Variants in SEC31B observed in about 807,000 individuals in gnomAD.
SEC31B encodes the protein SEC31 homolog B, COPII component.
SEC31B carries 113 observed loss-of-function variants against 135.0 expected under a neutral mutation model. That is an observed-to-expected ratio of 0.84 (90% CI 0.72 to 0.98). The LOEUF (loss-of-function observed/expected upper bound fraction) is 0.98. SEC31B is among the 50% of genes least tolerant of loss of function. The probability of loss-of-function intolerance (pLI) is 0.00; values close to 1 mark genes in which losing one functional copy is unlikely to be tolerated. For missense variants in SEC31B, 1,296 were observed against 1,421.1 expected, an observed-to-expected ratio of 0.91 and a Z score of 1.42; for synonymous variants, 508 against 549.4, an observed-to-expected ratio of 0.92 and a Z score of 1.05.
chr10:100,496,399 C>T lies in SEC31B; in HGVS notation c.2169G>A (p.Arg723=). Reference sequence around the variant, plus strand: ...GAGGACCCCGCAGTTGCTCCAAGCTCCTGTTAAGAACCATCACCTTCTCCA... The same window carrying T: ...GAGGACCCCGCAGTTGCTCCAAGCTTCTGTTAAGAACCATCACCTTCTCCA... ...DLMEKVMVLN[R]SLEQLRGPHG... Residue 723 remains arginine (R), a synonymous_variant, in exon 18 of 26, where the codon AGG becomes AGA. Coordinates refer to ENST00000370345, the MANE Select transcript of SEC31B (RefSeq NM_015490.4). 1 of 1,614,162 alleles carries T rather than the reference C, an allele frequency of 6.2e-7. No individual in the cohort carries two copies. Among genetic ancestry groups the T allele is most frequent in the African/African-American group, 1.3e-5 (1 of 75,056 alleles).
At chr10:100,515,384 T>C (rs1484480074) in intron 3 of SEC31B, among the ~76,000 whole-genome samples, 2 of 152,244 alleles carry the variant, frequency 1.3e-5, no homozygotes, top group African/African-American at 4.8e-5. Context: ...TTTCTGATGA[T>C]ATAAACATTT....
Position 100,498,318 on chromosome 10 carries a change from G to A in SEC31B, c.1685-111C>T. 4.7e-6 allele frequency: 5 copies of A among 1,053,282 alleles called. No individual in the cohort carries two copies. In the Admixed American group the frequency reaches 7.9e-5, roughly 17 times the overall value. The allele number at this position is 1,053,282 out of a possible 1,614,324, so 65.2% of individuals were successfully genotyped here. A position where few individuals can be genotyped will look rare whatever the true frequency, so the allele number is the denominator to read the frequency against. On this transcript the variant is annotated intron_variant, in intron 14 of 25. Transcript: ENST00000370345. ...ATCTCTATATCACTCAGTGTGCTTGGCTCCAAACTAAATCCTCAAGTTTCA... is the reference window on the plus strand; with the variant it reads ...ATCTCTATATCACTCAGTGTGCTTGACTCCAAACTAAATCCTCAAGTTTCA...
At chr10:100,508,092 C>T in intron 5 of SEC31B, 41 bp from the exon 6 acceptor site, 1 of 1,611,008 alleles carries the variant, frequency 6.2e-7, no homozygotes, top group Non-Finnish European at 8.5e-7. Context: ...ACTTGTCACC[C>T]CCTGGACAAA....
chr10:100,509,625 A>G, intron 3 of SEC31B, 114 bp from the exon 4 acceptor site: 1 of 768,340 alleles, frequency 1.3e-6, no homozygotes. Context: ...CCTAGCTGGA[A>G]CTTGCCTGTC....
intron 4 of SEC31B, 54 bp from the exon 5 acceptor site, chr10:100,509,156 A>T (rs371558242): frequency 7.6e-5 from 120 of 1,583,362 alleles, no homozygotes; most frequent in Middle Eastern, 6.7e-4. Context: ...AAACAGAGCA[A>T]GAAAGGAGGA....
intron 2 of SEC31B, 44 bp from the exon 3 acceptor site, chr10:100,516,263 G>A (rs1179233272): frequency 6.2e-7 from 1 of 1,601,806 alleles, no homozygotes; most frequent in African/African-American, 1.3e-5. Flanking sequence ...ATATATGCAT[G>A]GATTTCAGGT....
chr10:100,505,776 C>A, intron 9 of SEC31B: 1 of 1,416,738 alleles, frequency 7.1e-7, no homozygotes, highest in Non-Finnish European at 9.2e-7. Flanking sequence ...CTTGAAATAA[C>A]TGTCCCAGCA....
chr10:100,515,862 G>A (rs571422411), intron 3 of SEC31B, among the ~76,000 whole-genome samples: 2 of 151,740 alleles, frequency 1.3e-5, no homozygotes, highest in Non-Finnish European at 2.9e-5. Context: ...CTTGTCTGAG[G>A]CATCTCTATC....
chr10:100,490,690 T>C lies in SEC31B; in HGVS notation c.2650+16A>G, dbSNP rs766115728. On this transcript the variant is annotated intron_variant, in intron 20 of 25. Transcript: ENST00000370345. ...CTCTGTGCTCTGCCCAGATAGATCT[T>C]CAGTGACTCACTCACCAGGCCTTAC... The C allele has an allele frequency of 1.3e-6, 2 of 1,552,408 alleles. 1 individual carries two copies. Among genetic ancestry groups the C allele is most frequent in the South Asian group, 2.4e-5 (2 of 81,860 alleles).
chr10:100,489,211 G>A (rs147197387), intron 23 of SEC31B, 41 bp downstream of exon 23: 21,610 of 1,567,774 alleles, frequency 0.014, 182 homozygotes, highest in Non-Finnish European at 0.017. Context: ...AAGGAGGGCT[G>A]GAAGGTTTCC....
In SEC31B at chr10:100,497,127, A is replaced by G. The variant is rs1288323357; in HGVS notation, c.2136+8T>C. On this transcript the variant is annotated splice_region_variant and intron_variant, in intron 17 of 25. Transcript: ENST00000370345. ...TGGAGTGGCCAGTACCCTGCAGAGAAGGGGTACCTGCAGAGCCATGGGGGA... is the reference window on the plus strand; with the variant it reads ...TGGAGTGGCCAGTACCCTGCAGAGAGGGGGTACCTGCAGAGCCATGGGGGA... 4 of 1,613,876 alleles carry G rather than the reference A, an allele frequency of 2.5e-6. No individual in the cohort carries two copies. Among genetic ancestry groups the G allele is most frequent in the Non-Finnish European group, 3.4e-6 (4 of 1,179,952 alleles).
intron 1 of SEC31B, among the ~76,000 whole-genome samples, chr10:100,519,490 G>T (rs1244727060): frequency 6.6e-6 from 1 of 152,268 alleles, no homozygotes; most frequent in African/African-American, 2.4e-5. Flanking sequence ...GGACGGCCTC[G>T]GCTGGGCCAG....
intron 3 of SEC31B, among the ~76,000 whole-genome samples, chr10:100,511,557 C>T (rs1010949959): frequency 6.6e-6 from 1 of 152,094 alleles, no homozygotes; most frequent in Non-Finnish European, 1.5e-5. Flanking sequence ...ATCACTTGTG[C>T]CCAGGAGATG....
Position 100,487,524 on chromosome 10 carries a change from A to C in SEC31B, c.*92T>G. On this transcript the variant is annotated 3_prime_UTR_variant, in exon 26 of 26. Coordinates refer to ENST00000370345, the MANE Select transcript of SEC31B (RefSeq NM_015490.4). ...GGCAGCAAGGAAAAGAGTCGGGAAA[A>C]AGAAACAGAATCTGTTGCAGAAGTC... 8.0e-7 allele frequency: 1 copy of C among 1,243,876 alleles called. No homozygotes were observed. Among genetic ancestry groups the C allele is most frequent in the Non-Finnish European group, 1.1e-6 (1 of 892,164 alleles). 77.1% of individuals were successfully genotyped at this position (1,243,876 alleles called of 1,614,324 possible).
intron 4 of SEC31B, 27 bp downstream of exon 4, chr10:100,509,289 C>T (rs1271921905): frequency 6.2e-7 from 1 of 1,605,490 alleles, no homozygotes; most frequent in Admixed American, 1.7e-5. Flanking sequence ...CTGGCTTGGC[C>T]ATGTTTGACT....
chr10:100,512,177 A>G (rs1851748225), intron 3 of SEC31B, among the ~76,000 whole-genome samples: 1 of 152,212 alleles, frequency 6.6e-6, no homozygotes, highest in South Asian at 2.1e-4. Flanking sequence ...AGATAAAGGT[A>G]GAATGACAGA....
rs1011947231 is a variant in SEC31B, at chr10:100,498,805, C to T, written c.1585-1G>A. The T allele has an allele frequency of 2.5e-6, 4 of 1,610,624 alleles. No homozygotes were observed. In the African/African-American group the frequency reaches 4.0e-5, roughly 16 times the overall value. On this transcript the variant is annotated splice_acceptor_variant, in intron 13 of 25. Transcript: ENST00000370345. LOFTEE classifies it high-confidence loss of function. ...CTTCCTTTGTGGTGTGTTTGGAGGC[C>T]TGTATGAGGAAGGACAGAGGTGACT...
In SEC31B at chr10:100,495,453, C is replaced by A. The variant is rs201699532; in HGVS notation, c.2404G>T (p.Val802Phe). 134 of 1,613,834 alleles carry A rather than the reference C, an allele frequency of 8.3e-5. No individual in the cohort carries two copies. The highest frequency in any genetic ancestry group is 1.0e-4 in the Non-Finnish European group (123 of 1,179,958). Residue 802 changes from valine to phenylalanine, a missense_variant, in exon 19 of 26, where the codon GTT becomes TTT. Coordinates refer to ENST00000370345, the MANE Select transcript of SEC31B (RefSeq NM_015490.4). ...TTAGAGTGGAGGGTAGCTCCCACAA[C>A]AATCCGGGGGAAGGGGAAAGGGGGA... Reference protein sequence around the residue: ...QSPPFPFPRIVVGATLHSKET... With the variant: ...QSPPFPFPRIFVGATLHSKET...
In SEC31B at chr10:100,496,214, T is replaced by C. The variant is rs374426429; in HGVS notation, c.2310+44A>G. The C allele has an allele frequency of 1.4e-4, 218 of 1,598,290 alleles. 1 individual carries two copies. The Middle Eastern group carries it at 8.3e-3, about 61-fold the overall frequency. On this transcript the variant is annotated intron_variant, in intron 18 of 25. Transcript: ENST00000370345. ...ATGGAAGTGCTCAATCAATGTTAGA[T>C]GACTGAATGAAATGGTTTGCTCTCT...
Sources: allele counts gnomAD v4.1 joint callset (sites outside exome capture counted in the v4.1 genomes callset), GRCh38; gene constraint gnomAD v4.1.1; transcripts MANE v1.5; gene names NCBI Gene and HGNC (gene_info 2026-07-23, HGNC 2026-07-21).